Variants in LARGE1 observed in about 807,000 individuals in gnomAD.
LARGE1 encodes xylosyl- and glucuronyltransferase LARGE1.
A neutral mutation model predicts 87.6 loss-of-function variants in LARGE1; 43 were observed. The ratio of observed to expected loss-of-function variants is 0.49; its 90% CI spans 0.38 to 0.63. The LOEUF is 0.63. LARGE1 is among the 30% of genes least tolerant of loss of function. The pLI is 0.00. For synonymous variants in LARGE1, 434 were observed against 394.6 expected, an observed-to-expected ratio of 1.10 and a Z score of -1.18; for missense variants, 802 against 1,000.2, an observed-to-expected ratio of 0.80 and a Z score of 2.67.
At chr22:33,147,876 C>T in the LARGE1 span, among the ~76,000 whole-genome samples, 1 of 152,190 alleles carries the variant, frequency 6.6e-6, no homozygotes, top group Non-Finnish European at 1.5e-5. Flanking sequence ...CAAAGCAAAT[C>T]TATTCCATCA....
chr22:33,760,712 G>C (rs2084696637), intron 2 of LARGE1, among the ~76,000 whole-genome samples: 1 of 152,180 alleles, frequency 6.6e-6, no homozygotes, highest in South Asian at 2.1e-4. Flanking sequence ...ACAAGGTCAA[G>C]AGATGGAGAC....
chr22:33,616,996 T>C (rs776922801), intron 4 of LARGE1, among the ~76,000 whole-genome samples: 17 of 152,264 alleles, frequency 1.1e-4, no homozygotes, highest in Non-Finnish European at 1.6e-4. Flanking sequence ...TAGGCAAATA[T>C]TGGAATGTTG....
At chr22:33,759,145 C>T (rs1203546448) in intron 2 of LARGE1, among the ~76,000 whole-genome samples, 1 of 152,212 alleles carries the variant, frequency 6.6e-6, no homozygotes, top group Non-Finnish European at 1.5e-5. Flanking sequence ...GACCTAGCTA[C>T]AAGCCCCTGG....
intron 5 of LARGE1, among the ~76,000 whole-genome samples, chr22:33,593,352 A>G (rs1328170059): frequency 6.6e-6 from 1 of 152,072 alleles, no homozygotes; most frequent in Non-Finnish European, 1.5e-5. Context: ...CTATTGGTGT[A>G]TATTTTCTGA....
At chr22:33,258,721 A>G (rs939114854) in intron 11 of LARGE1, among the ~76,000 whole-genome samples, 4 of 152,182 alleles carry the variant, frequency 2.6e-5, no homozygotes, top group Non-Finnish European at 5.9e-5. Context: ...AGTAACTAAT[A>G]TAGTAATTAA....
intron 1 of LARGE1, among the ~76,000 whole-genome samples, chr22:33,777,814 A>G (rs1401483440): frequency 6.6e-6 from 1 of 152,196 alleles, no homozygotes; most frequent in Non-Finnish European, 1.5e-5. Flanking sequence ...CCAAAGGCCA[A>G]TGTGAAACTT....
In LARGE1 at chr22:33,683,593, G is replaced by A. The variant is rs568368249; in HGVS notation, c.107-32925C>T. ...AACAGACAGACAGATGATAGGTAGA[G>A]ATAGAGGAAAACTGAGGAACAGAAT... On this transcript the variant is annotated intron_variant, in intron 2 of 14. Coordinates refer to ENST00000397394, the MANE Select transcript of LARGE1 (RefSeq NM_133642.5). 4.6e-5 allele frequency among the ~76,000 whole-genome samples: 7 copies of A among 152,270 alleles called. No individual in the cohort carries two copies. The East Asian group carries it at 1.2e-3, about 25-fold the overall frequency.
the LARGE1 span, among the ~76,000 whole-genome samples, chr22:33,141,004 T>G: frequency 0.42 from 64,117 of 151,948 alleles, 13,976 homozygotes; most frequent in South Asian, 0.68. Context: ...AAAAAGAAAA[T>G]ATTTTTAACA....
rs200276114 is a variant in LARGE1 at position 33,224,295 on chromosome 22, AAAG to A, written c.1731-57466_1731-57464del. ...GAAAAAGAAAAGAAAAAAGAAAAAA[AAAG>A]AAGGTGCTCAAAAAGTGCTGGATAA... On this transcript the variant is annotated intron_variant, in intron 11 of 11. Transcript: ENST00000608642. Among the ~76,000 whole-genome samples, 653 of 152,192 alleles carry A rather than the reference AAAG, an allele frequency of 4.3e-3. 5 individuals are homozygous for A. In the East Asian group the frequency reaches 0.048, roughly 11 times the overall value.
chr22:33,409,128 T>G (rs1313304095), intron 7 of LARGE1, among the ~76,000 whole-genome samples: 1 of 152,198 alleles, frequency 6.6e-6, no homozygotes, highest in Non-Finnish European at 1.5e-5. Flanking sequence ...TGCCAACCAA[T>G]TCAGGGGCCC....
chr22:33,763,945 G>A (rs1022426341), intron 1 of LARGE1, among the ~76,000 whole-genome samples: 4 of 136,474 alleles, frequency 2.9e-5, no homozygotes, highest in African/African-American at 1.1e-4. Flanking sequence ...CGCCTCCCAT[G>A]TTCAAGGGAT....
At chr22:33,068,459 C>T in the LARGE1 span, among the ~76,000 whole-genome samples, 1 of 151,938 alleles carries the variant, frequency 6.6e-6, no homozygotes, top group Non-Finnish European at 1.5e-5. Flanking sequence ...TCCTGGCTAA[C>T]ACGGTGAAAC....
At position 33,391,103 on chromosome 22, in the gene LARGE1, T is replaced by G. The variant is rs1322860329; in HGVS notation, c.893-6799A>C. On this transcript the variant is annotated intron_variant, in intron 7 of 14. Transcript: ENST00000397394. ...GCCTCGGCCTCCCCAAGTGTTGCAATTACAGGTGTGAGCCACCGTGCCCAG... is the reference window on the plus strand; with the variant it reads ...GCCTCGGCCTCCCCAAGTGTTGCAAGTACAGGTGTGAGCCACCGTGCCCAG... Among the ~76,000 whole-genome samples the G allele has an allele frequency of 2.0e-5, 3 of 152,174 alleles. No homozygotes were observed. The East Asian group carries it at 5.8e-4, about 29-fold the overall frequency.
At chr22:33,256,166 G>C (rs544812911) in intron 11 of LARGE1, among the ~76,000 whole-genome samples, 1 of 152,350 alleles carries the variant, frequency 6.6e-6, no homozygotes, top group South Asian at 2.1e-4. Flanking sequence ...GGTCTACCTA[G>C]AGATGTATAG....
At chr22:33,604,379 G>A in intron 5 of LARGE1, 56 bp downstream of exon 5, 1 of 1,611,360 alleles carries the variant, frequency 6.2e-7, no homozygotes, top group East Asian at 2.2e-5. Context: ...TCAACCACAA[G>A]TAATAACGCT....
intron 11 of LARGE1, among the ~76,000 whole-genome samples, chr22:33,175,292 T>C (rs935734102): frequency 2.6e-5 from 4 of 151,316 alleles, no homozygotes; most frequent in Admixed American, 2.6e-4. Context: ...CTGGCCAGGA[T>C]GGAAGGGAAG....
At chr22:33,870,339 T>A (rs942903610) in intron 1 of LARGE1, among the ~76,000 whole-genome samples, 3 of 152,210 alleles carry the variant, frequency 2.0e-5, no homozygotes, top group Non-Finnish European at 4.4e-5. Context: ...TTTTGAGCCA[T>A]CCAGTTTGTT....
intron 9 of LARGE1, among the ~76,000 whole-genome samples, chr22:33,380,548 C>A (rs2147100584): frequency 6.6e-6 from 1 of 152,236 alleles, no homozygotes; most frequent in South Asian, 2.1e-4. Context: ...GGCTAGGTAA[C>A]AGACTAACTA....
At chr22:33,237,620 C>T (rs560353370) in intron 11 of LARGE1, among the ~76,000 whole-genome samples, 166 of 152,196 alleles carry the variant, frequency 1.1e-3, no homozygotes, top group African/African-American at 3.8e-3. Context: ...TGGCTGCTCA[C>T]CACTTGTGGA....
Sources: allele counts gnomAD v4.1 joint callset (sites outside exome capture counted in the v4.1 genomes callset), GRCh38; gene constraint gnomAD v4.1.1; transcripts MANE v1.5; gene names NCBI Gene and HGNC (gene_info 2026-07-23, HGNC 2026-07-21).